The following AGBL4 variants were observed in gnomAD, a reference collection of about 807,000 sequenced individuals.
AGBL4 encodes the protein cytosolic carboxypeptidase 6.
AGBL4 carries 58 observed loss-of-function variants against 66.4 expected under a neutral mutation model. The ratio of observed to expected loss-of-function variants is 0.87; its 90% CI spans 0.71 to 1.09. The LOEUF (loss-of-function observed/expected upper bound fraction) is 1.09. Among genes scored for constraint, AGBL4 ranks in the 50% least tolerant of loss-of-function variants. AGBL4 has a pLI of 0.00. For synonymous variants in AGBL4, 234 were observed against 222.9 expected, an observed-to-expected ratio of 1.05 and a Z score of -0.44; for missense variants, 579 against 631.0, an observed-to-expected ratio of 0.92 and a Z score of 0.88.
At chr1:49,447,553 G>C (rs190148206) in intron 3 of AGBL4, among the ~76,000 whole-genome samples, 4 of 152,264 alleles carry the variant, frequency 2.6e-5, no homozygotes, top group African/African-American at 9.6e-5. Context: ...TTCTCAGAGT[G>C]GGGTGGGGCA....
chr1:49,615,211 A>G (rs1273848723), intron 3 of AGBL4, among the ~76,000 whole-genome samples: 1 of 152,152 alleles, frequency 6.6e-6, no homozygotes, highest in African/African-American at 2.4e-5. Context: ...TCTGTCTTCC[A>G]AAGGAGAGGG....
At chr1:49,665,782 C>G (rs1031591305) in intron 3 of AGBL4, among the ~76,000 whole-genome samples, 14 of 151,818 alleles carry the variant, frequency 9.2e-5, no homozygotes, top group African/African-American at 3.4e-4. Context: ...AAAATGAAAA[C>G]CCAATGACAG....
chr1:49,642,945 C>T (rs1207577899), intron 3 of AGBL4, among the ~76,000 whole-genome samples: 1 of 151,776 alleles, frequency 6.6e-6, no homozygotes, highest in Non-Finnish European at 1.5e-5. Context: ...TAAAAAATTA[C>T]CATTAAAATA....
At chr1:49,362,296 G>T (rs1003255911) in intron 3 of AGBL4, among the ~76,000 whole-genome samples, 4 of 152,052 alleles carry the variant, frequency 2.6e-5, no homozygotes, top group Non-Finnish European at 5.9e-5. Context: ...CTTCAGGAAT[G>T]ACTACAACCA....
intron 5 of AGBL4, among the ~76,000 whole-genome samples, chr1:49,027,816 C>A (rs1663847078): frequency 6.6e-6 from 1 of 152,130 alleles, no homozygotes; most frequent in Non-Finnish European, 1.5e-5. Context: ...AAGCCAAATG[C>A]CCTCGGCCCA....
intron 3 of AGBL4, among the ~76,000 whole-genome samples, chr1:49,615,633 G>C (rs946801318): frequency 6.6e-6 from 1 of 151,876 alleles, no homozygotes; most frequent in African/African-American, 2.4e-5. Context: ...CAAATATACT[G>C]AGAAAAAAAA....
chr1:48,816,669 G>A (rs1174878650), intron 6 of AGBL4, among the ~76,000 whole-genome samples: 2 of 152,164 alleles, frequency 1.3e-5, no homozygotes, highest in Non-Finnish European at 2.9e-5. Flanking sequence ...GGTACCCTCT[G>A]AACTTTTGTA....
chr1:48,851,176 G>C (rs893881079), intron 6 of AGBL4, among the ~76,000 whole-genome samples: 1 of 152,096 alleles, frequency 6.6e-6, no homozygotes, highest in East Asian at 1.9e-4. Flanking sequence ...GCCCTTATCC[G>C]TAGTGAGAAC....
At chr1:48,808,918 G>T (rs557029066) in intron 6 of AGBL4, among the ~76,000 whole-genome samples, 1 of 152,292 alleles carries the variant, frequency 6.6e-6, no homozygotes, top group South Asian at 2.1e-4. Flanking sequence ...CTTAATAAAT[G>T]CATCTAGAGA....
chr1:48,554,205 T>C (rs1345046483), intron 11 of AGBL4, among the ~76,000 whole-genome samples: 2 of 152,224 alleles, frequency 1.3e-5, no homozygotes, highest in Non-Finnish European at 2.9e-5. Flanking sequence ...TCCCCTGCTC[T>C]TGTGTCTTCA....
intron 5 of AGBL4, among the ~76,000 whole-genome samples, chr1:48,876,168 G>A (rs904268924): frequency 2.0e-5 from 3 of 152,112 alleles, no homozygotes; most frequent in Non-Finnish European, 4.4e-5. Flanking sequence ...TACATTCTAA[G>A]CTCCATGGCA....
chr1:48,821,564 T>G lies in AGBL4; in HGVS notation c.634+45627A>C, dbSNP rs539390551. ...CAATGGACACATATGGATATAAAGA[T>G]GAAAATAACAGACACTGGGGACTCC... On this transcript the variant is annotated intron_variant, in intron 6 of 13. Coordinates refer to ENST00000371839, the MANE Select transcript of AGBL4 (RefSeq NM_032785.4). Among the ~76,000 whole-genome samples, 201 of 152,064 alleles carry G rather than the reference T, an allele frequency of 1.3e-3. 3 individuals are homozygous for G. In the Middle Eastern group the frequency reaches 0.021, roughly 16 times the overall value.
chr1:48,567,828 AT>A (rs1431997270), intron 11 of AGBL4, among the ~76,000 whole-genome samples: 1 of 152,100 alleles, frequency 6.6e-6, no homozygotes, highest in African/African-American at 2.4e-5. Flanking sequence ...TCTCCGAGAA[AT>A]TTTTGATACT....
At chr1:48,616,670 A>G (rs1645323986) in intron 9 of AGBL4, among the ~76,000 whole-genome samples, 1 of 152,212 alleles carries the variant, frequency 6.6e-6, no homozygotes, top group South Asian at 2.1e-4. Context: ...TGAAATCCTT[A>G]CCATGGTCTG....
intron 2 of AGBL4, among the ~76,000 whole-genome samples, chr1:49,699,796 T>C (rs1647052498): frequency 6.6e-6 from 1 of 151,940 alleles, no homozygotes; most frequent in Non-Finnish European, 1.5e-5. Flanking sequence ...CAGTTATGTA[T>C]GATGACTAAA....
intron 3 of AGBL4, among the ~76,000 whole-genome samples, chr1:49,297,172 G>A (rs530045384): frequency 5.9e-5 from 9 of 152,282 alleles, no homozygotes; most frequent in Non-Finnish European, 1.0e-4. Flanking sequence ...CTGGCCAAGA[G>A]AATCTTGCTT....
intron 3 of AGBL4, among the ~76,000 whole-genome samples, chr1:49,437,475 T>C (rs554798900): frequency 6.6e-6 from 1 of 152,298 alleles, no homozygotes; most frequent in East Asian, 1.9e-4. Context: ...CTCTAAATTA[T>C]CTTTCAAAGG....
chr1:49,937,633 A>G (rs1487020826), intron 1 of AGBL4, among the ~76,000 whole-genome samples: 2 of 152,212 alleles, frequency 1.3e-5, no homozygotes, highest in Non-Finnish European at 2.9e-5. Context: ...AAATTATAAC[A>G]AACTGTCCCT....
intron 2 of AGBL4, among the ~76,000 whole-genome samples, chr1:49,846,733 G>A (rs1454535052): frequency 2.0e-5 from 3 of 151,990 alleles, no homozygotes; most frequent in Non-Finnish European, 4.4e-5. Context: ...GGAGATGAAA[G>A]ATTTCTACTA....
Sources: gnomAD v4.1 joint callset for allele counts (sites outside exome capture counted in the v4.1 genomes callset) on GRCh38, gnomAD v4.1.1 for gene constraint, MANE v1.5 for transcripts, NCBI Gene and HGNC (gene_info 2026-07-23, HGNC 2026-07-21) for gene names.